The following SRBD1 variants were observed in gnomAD, a reference collection of about 807,000 sequenced individuals.
The protein encoded by SRBD1 is S1 RNA binding domain 1.
A neutral mutation model predicts 115.3 loss-of-function variants in SRBD1; 88 were observed. The ratio of observed to expected loss-of-function variants is 0.76; its 90% CI spans 0.64 to 0.91. SRBD1 has a LOEUF of 0.91. SRBD1 is among the 40% of genes least tolerant of loss of function. The pLI is 0.00. For synonymous variants in SRBD1, 509 were observed against 407.7 expected (o/e 1.25, Z -2.99); for missense variants, 1,385 against 1,177.4 (o/e 1.18, Z -2.58).
chr2:45,430,793 T>A (rs902054321), intron 16 of SRBD1, among the ~76,000 whole-genome samples: 5 of 151,962 alleles, frequency 3.3e-5, no homozygotes, highest in Admixed American at 6.6e-5. Flanking sequence ...AATTGGCAAA[T>A]GGGATCTAAC....
chr2:45,455,345 A>C (rs1669120290), intron 16 of SRBD1, among the ~76,000 whole-genome samples: 1 of 152,056 alleles, frequency 6.6e-6, no homozygotes, highest in East Asian at 1.9e-4. Flanking sequence ...ATACGTATTT[A>C]TATGTAATCG....
intron 18 of SRBD1, among the ~76,000 whole-genome samples, chr2:45,417,983 A>G (rs1667881846): frequency 6.6e-6 from 1 of 152,206 alleles, no homozygotes; most frequent in Admixed American, 6.5e-5. Flanking sequence ...TGATCCTTGG[A>G]TGGCATTTCA....
intron 2 of SRBD1, among the ~76,000 whole-genome samples, chr2:45,604,185 AC>A (rs1219529322): frequency 2.0e-5 from 3 of 151,996 alleles, no homozygotes; most frequent in Non-Finnish European, 2.9e-5. Flanking sequence ...TCTATTCTCC[AC>A]CAAGAAACCA....
At chr2:45,585,457 C>T in intron 5 of SRBD1, 151 bp downstream of exon 5, 2 of 796,632 alleles carry the variant, frequency 2.5e-6, no homozygotes, top group Non-Finnish European at 3.8e-6. Flanking sequence ...GGACTCCATA[C>T]ACTCGCTAAA....
rs1174959157 is a variant in SRBD1, at chr2:45,589,712, A to G, written c.649-3938T>C. Among the ~76,000 whole-genome samples the G allele has an allele frequency of 2.6e-5, 4 of 152,204 alleles. No individual in the cohort carries two copies. The East Asian group carries it at 7.7e-4, about 29-fold the overall frequency. ...CCTTGAAATTAAGGCTAACAAAACC[A>G]CATACAAGCAGTCTTCATTCTGGGG... On this transcript the variant is annotated intron_variant, in intron 4 of 20. Coordinates refer to ENST00000263736, the MANE Select transcript of SRBD1 (RefSeq NM_018079.5).
intron 15 of SRBD1, 33 bp downstream of exon 15, chr2:45,488,207 C>T (rs934023550): frequency 1.3e-6 from 2 of 1,582,508 alleles, no homozygotes; most frequent in Non-Finnish European, 8.7e-7. Context: ...ATATCAAAAT[C>T]ACATGTTTTT....
intron 16 of SRBD1, among the ~76,000 whole-genome samples, chr2:45,443,595 T>G (rs1252471215): frequency 6.6e-6 from 1 of 152,014 alleles, no homozygotes; most frequent in Non-Finnish European, 1.5e-5. Flanking sequence ...AGATCAATGG[T>G]GTTTAAGGTA....
At chr2:45,583,905 G>C (rs916051005) in intron 5 of SRBD1, among the ~76,000 whole-genome samples, 9 of 152,254 alleles carry the variant, frequency 5.9e-5, no homozygotes, top group South Asian at 2.1e-4. Flanking sequence ...TTTTGCAATA[G>C]AAGGGTTTTT....
intron 14 of SRBD1, among the ~76,000 whole-genome samples, chr2:45,532,369 T>A (rs1671639449): frequency 6.6e-6 from 1 of 151,864 alleles, no homozygotes; most frequent in East Asian, 1.9e-4. Flanking sequence ...TTCATGTACC[T>A]CTTTCATGGC....
At chr2:45,429,335 C>T (rs1242903812) in intron 16 of SRBD1, among the ~76,000 whole-genome samples, 1 of 151,754 alleles carries the variant, frequency 6.6e-6, no homozygotes, top group Non-Finnish European at 1.5e-5. Context: ...CTGGCAGAAA[C>T]AACAAAAAAA....
chr2:45,404,980 G>T (rs530059751), intron 19 of SRBD1, among the ~76,000 whole-genome samples: 1 of 151,916 alleles, frequency 6.6e-6, no homozygotes, highest in Non-Finnish European at 1.5e-5. Flanking sequence ...TCTTTCCTCC[G>T]TCAAGACTTT....
intron 19 of SRBD1, among the ~76,000 whole-genome samples, chr2:45,407,269 T>C (rs1470303497): frequency 1.3e-5 from 2 of 152,210 alleles, no homozygotes; most frequent in Non-Finnish European, 2.9e-5. Flanking sequence ...GACCATTAAC[T>C]ATTCCAAAGC....
At chr2:45,604,752 G>A (rs1189081209) in intron 2 of SRBD1, among the ~76,000 whole-genome samples, 11 of 152,108 alleles carry the variant, frequency 7.2e-5, no homozygotes, top group South Asian at 6.2e-4. Context: ...AATGCCCCCC[G>A]ACTGCAACCA....
intron 4 of SRBD1, 90 bp downstream of exon 4, chr2:45,599,359 C>T (rs1674013053): frequency 1.3e-6 from 2 of 1,495,586 alleles, no homozygotes; most frequent in Admixed American, 2.3e-5. Flanking sequence ...TTGAAAACCC[C>T]CAGCCCTTCC....
intron 18 of SRBD1, among the ~76,000 whole-genome samples, chr2:45,414,982 G>T (rs1667770302): frequency 8.3e-6 from 1 of 119,908 alleles, no homozygotes; most frequent in Non-Finnish European, 1.6e-5. Context: ...TATATAGTAT[G>T]TATATACACA....
intron 16 of SRBD1, among the ~76,000 whole-genome samples, chr2:45,430,626 C>T (rs956426370): frequency 6.6e-6 from 1 of 152,150 alleles, no homozygotes; most frequent in Admixed American, 6.5e-5. Context: ...TTCCTTACAT[C>T]TTATACAAAA....
In SRBD1 at chr2:45,521,929, C is replaced by G. The variant is rs145208144; in HGVS notation, c.1874+24803G>C. ...GCTGTAGTGAGCCATGATCATGCCACTGCACTCTAGCCTGGATGACAGAGC... is the reference window on the plus strand; with the variant it reads ...GCTGTAGTGAGCCATGATCATGCCAGTGCACTCTAGCCTGGATGACAGAGC... On this transcript the variant is annotated intron_variant, in intron 14 of 20. Transcript: ENST00000263736. 2.6e-5 allele frequency among the ~76,000 whole-genome samples: 4 copies of G among 151,666 alleles called. 1 individual carries two copies. The highest frequency in any genetic ancestry group is 9.7e-5 in the African/African-American group (4 of 41,300).
intron 16 of SRBD1, among the ~76,000 whole-genome samples, chr2:45,439,634 G>A (rs6544819): frequency 0.094 from 14,257 of 151,738 alleles, 995 homozygotes; most frequent in African/African-American, 0.19. Context: ...AAAAGCAGAT[G>A]GGACAAACAA....
intron 1 of SRBD1, among the ~76,000 whole-genome samples, chr2:45,608,537 T>A (rs1674344253): frequency 6.6e-6 from 1 of 152,194 alleles, no homozygotes; most frequent in South Asian, 2.1e-4. Context: ...ATAAAACTTG[T>A]TAGATTAACC....
Sources: gnomAD v4.1 joint callset for allele counts (sites outside exome capture counted in the v4.1 genomes callset) on GRCh38, gnomAD v4.1.1 for gene constraint, MANE v1.5 for transcripts, NCBI Gene and HGNC (gene_info 2026-07-23, HGNC 2026-07-21) for gene names.